Variants in ELFN1 observed in about 807,000 individuals in gnomAD.
ELFN1 encodes extracellular leucine rich repeat and fibronectin type III domain containing 1, also known as protein ELFN1.
In ELFN1, 6 loss-of-function variants were observed where a neutral mutation model predicts 7.6. The observed-to-expected ratio is 0.79, with a 90% CI of 0.43 to 1.56. The LOEUF (loss-of-function observed/expected upper bound fraction) is 1.56, where lower values mean the gene tolerates loss of function less well. Among genes scored for constraint, ELFN1 ranks in the 40% most tolerant of loss-of-function variants. The probability of loss-of-function intolerance (pLI) is 0.01; values close to 1 mark genes in which losing one functional copy is unlikely to be tolerated. For synonymous variants in ELFN1, 657 were observed against 588.1 expected, an observed-to-expected ratio of 1.12 and a Z score of -1.70; for missense variants, 1,169 against 1,232.2, an observed-to-expected ratio of 0.95 and a Z score of 0.77.
At chr7:1,682,721 T>C (rs1006821483) in intron 1 of ELFN1, among the ~76,000 whole-genome samples, 3 of 152,074 alleles carry the variant, frequency 2.0e-5, no homozygotes, top group Non-Finnish European at 4.4e-5. Flanking sequence ...CTTTTATTTC[T>C]TTTTCTTGCC....
Position 1,745,789 on chromosome 7 carries a change from G to T in ELFN1, c.1193G>T (p.Cys398Phe). 1 of 1,555,318 alleles carries T rather than the reference G, an allele frequency of 6.4e-7. No individual in the cohort carries two copies. Residue 398 changes from cysteine (C) to phenylalanine (F), a missense_variant, in exon 4 of 4, where the codon TGC (cysteine) becomes TTC (phenylalanine). This residue lies in a region of ELFN1 where 914 missense variants were observed against 872.6 expected (regional missense o/e 1.05). Coordinates refer to ENST00000424383, the MANE Select transcript of ELFN1 (RefSeq NM_001128636.4). ...CACAACCACACCTGCCTCACCATCTGCTTGCCCCGGCTGCCCAGCCCGCCT... is the reference window on the plus strand; with the variant it reads ...CACAACCACACCTGCCTCACCATCTTCTTGCCCCGGCTGCCCAGCCCGCCT... Reference protein sequence around the residue: ...LRHNHTCLTICLPRLPSPPGP... With the variant: ...LRHNHTCLTIFLPRLPSPPGP...
intron 3 of ELFN1, among the ~76,000 whole-genome samples, chr7:1,736,884 G>A (rs1780463346): frequency 6.6e-6 from 1 of 152,066 alleles, no homozygotes; most frequent in African/African-American, 2.4e-5. Context: ...GGTTCTCAGG[G>A]AGCAATGCTG....
At chr7:1,742,953 G>C (rs1224097188) in intron 3 of ELFN1, among the ~76,000 whole-genome samples, 1 of 152,222 alleles carries the variant, frequency 6.6e-6, no homozygotes, top group Non-Finnish European at 1.5e-5. Context: ...CCAGGCCACG[G>C]CTCGGTGACA....
At chr7:1,703,533 C>A (rs964482930) in intron 2 of ELFN1, among the ~76,000 whole-genome samples, 18 of 152,100 alleles carry the variant, frequency 1.2e-4, no homozygotes, top group Admixed American at 1.2e-3. Flanking sequence ...CTGCTTACCC[C>A]GTCTGGAATT....
chr7:1,669,213 C>G (rs958862823), upstream of ELFN1, among the ~76,000 whole-genome samples: 1 of 152,266 alleles, frequency 6.6e-6, no homozygotes, highest in Non-Finnish European at 1.5e-5. Flanking sequence ...TAGGATTTAT[C>G]TTGATTTGCT....
chr7:1,728,941 C>T (rs370931399), intron 3 of ELFN1, among the ~76,000 whole-genome samples: 1 of 152,196 alleles, frequency 6.6e-6, no homozygotes, highest in Non-Finnish European at 1.5e-5. Flanking sequence ...TGATGGCTAT[C>T]AGTGGCCCCA....
Position 1,745,419 on chromosome 7 carries a change from TC to T in ELFN1, c.827del (p.Pro276ArgfsTer84). 6.5e-7 allele frequency: 1 copy of T among 1,539,038 alleles called. No individual in the cohort carries two copies. ...PASGRSQPGRSPPPPPPPEPS... is the reference protein window; with the variant it reads ...PASGRSQPGRXPPPPPPPEPS... Reference sequence around the variant, plus strand: ...ATCCGGGCGCTCACAGCCGGGCCGCTCCCCGCCGCCCCCGCCTCCGCCGGAG... The same window carrying T: ...ATCCGGGCGCTCACAGCCGGGCCGCTCCCGCCGCCCCCGCCTCCGCCGGAG... On this transcript the variant is annotated frameshift_variant, in exon 4 of 4. Transcript: ENST00000424383. LOFTEE classifies it low-confidence loss of function (END_TRUNC).
At chr7:1,728,026 T>A (rs1027729036) in intron 3 of ELFN1, among the ~76,000 whole-genome samples, 5 of 152,148 alleles carry the variant, frequency 3.3e-5, no homozygotes, top group African/African-American at 1.2e-4. Context: ...GCACCACCCC[T>A]TTGCATGGGC....
intron 2 of ELFN1, among the ~76,000 whole-genome samples, chr7:1,704,622 G>A (rs1260021971): frequency 1.3e-5 from 2 of 152,188 alleles, no homozygotes; most frequent in South Asian, 2.1e-4. Flanking sequence ...GTGTGACCTG[G>A]GGTACGCAGT....
At chr7:1,724,409 G>C (rs961155874) in intron 3 of ELFN1, among the ~76,000 whole-genome samples, 20 of 152,256 alleles carry the variant, frequency 1.3e-4, no homozygotes, top group African/African-American at 4.6e-4. Flanking sequence ...CTGAGGTGCC[G>C]TGCGGCCCCA....
chr7:1,712,496 A>G (rs1488116096), intron 3 of ELFN1, among the ~76,000 whole-genome samples: 2 of 151,356 alleles, frequency 1.3e-5, no homozygotes, highest in Admixed American at 1.3e-4. Context: ...CAATGGTGCA[A>G]TCTCGGCTCA....
At chr7:1,724,725 C>T (rs567394433) in intron 3 of ELFN1, among the ~76,000 whole-genome samples, 5 of 152,298 alleles carry the variant, frequency 3.3e-5, no homozygotes, top group South Asian at 2.1e-4. Context: ...CAGGGCCTGT[C>T]ACAGAGGCCG....
rs746290433 is a variant in ELFN1 at position 1,747,315 on chromosome 7, C to CAG, written c.*233_*234insGA. 0.01 allele frequency: 2,734 copies of CAG among 263,116 alleles called. 44 individuals carry two copies. The highest frequency in any genetic ancestry group is 0.013 in the Non-Finnish European group (1,830 of 140,010). The allele number at this position is 263,116 out of a possible 1,614,324, so 16.3% of individuals were successfully genotyped here. A position where few individuals can be genotyped will look rare whatever the true frequency, so the allele number is the denominator to read the frequency against. On this transcript the variant is annotated 3_prime_UTR_variant, in exon 4 of 4. Coordinates refer to ENST00000424383, the MANE Select transcript of ELFN1 (RefSeq NM_001128636.4). ...GGTGGCACGTGTCCACACACACACA[C>CAG]ACACACACACACACACACACGAGGG...
chr7:1,688,876 C>T (rs1391449874), intron 2 of ELFN1, among the ~76,000 whole-genome samples: 1 of 152,210 alleles, frequency 6.6e-6, no homozygotes, highest in Non-Finnish European at 1.5e-5. Flanking sequence ...GACCTCTGGT[C>T]ACTGCTAATC....
chr7:1,728,468 C>T (rs1333424217), intron 3 of ELFN1, among the ~76,000 whole-genome samples: 2 of 152,262 alleles, frequency 1.3e-5, no homozygotes, highest in East Asian at 3.8e-4. Flanking sequence ...CTGCTGCCAA[C>T]AGGCACCCAG....
At chr7:1,728,153 C>T (rs979106767) in intron 3 of ELFN1, among the ~76,000 whole-genome samples, 1 of 65,278 alleles carries the variant, frequency 1.5e-5, no homozygotes. Flanking sequence ...GACAGGCTTT[C>T]CCTTAGGGCG....
rs1412789946 is a variant in ELFN1 at position 1,745,658 on chromosome 7, C to T, written c.1062C>T (p.Ser354=). 1 of 1,551,242 alleles carries T rather than the reference C, an allele frequency of 6.4e-7. No homozygotes were observed. Among genetic ancestry groups the T allele is most frequent in the African/African-American group, 1.4e-5 (1 of 73,058 alleles). The part of the protein sequence containing the change: ...TLEHFNNSKA[S]TVSRLTKAQE... The stretch of plus-strand genomic sequence containing the variant: ...AGCATTTCAACAACAGCAAGGCCTC[C>T]ACCGTGTCCAGGCTGACCAAGGCCC... The change falls in exon 4 of 4, where the codon TCC becomes TCT. Residue 354 remains serine (S), a synonymous_variant. Transcript: ENST00000424383.
At chr7:1,676,119 A>G (rs1229931199) in intron 1 of ELFN1, among the ~76,000 whole-genome samples, 1 of 152,124 alleles carries the variant, frequency 6.6e-6, no homozygotes, top group African/African-American at 2.4e-5. Flanking sequence ...CCCAAGGGAG[A>G]TGGCATTAGC....
intron 3 of ELFN1, among the ~76,000 whole-genome samples, chr7:1,727,559 A>G (rs1192941134): frequency 1.3e-5 from 2 of 151,888 alleles, no homozygotes; most frequent in African/African-American, 4.8e-5. Flanking sequence ...GCCTCCCTTC[A>G]TTTCCTCATT....
Sources: allele counts gnomAD v4.1 joint callset (sites outside exome capture counted in the v4.1 genomes callset), GRCh38; gene constraint gnomAD v4.1.1; regional missense constraint gnomAD v4.1.1; transcripts MANE v1.5; gene names NCBI Gene and HGNC (gene_info 2026-07-23, HGNC 2026-07-21).